PTPRD: variants seen among roughly 807,000 people sequenced by gnomAD.
PTPRD encodes the protein receptor-type tyrosine-protein phosphatase delta.
In PTPRD, 34 loss-of-function variants were observed where a neutral mutation model predicts 214.5. The observed-to-expected ratio is 0.16, with a 90% confidence interval of 0.12 to 0.21. The LOEUF (loss-of-function observed/expected upper bound fraction) is 0.21. PTPRD is among the 10% of genes least tolerant of loss of function. The pLI is 1.00. For missense variants in PTPRD, 2,545 were observed against 2,398.7 expected, an observed-to-expected ratio of 1.06 and a Z score of -1.27; for synonymous variants, 1,128 against 845.7, an observed-to-expected ratio of 1.33 and a Z score of -5.79.
chr9:9,085,530 G>C (rs484454), intron 10 of PTPRD, among the ~76,000 whole-genome samples: 100,270 of 151,964 alleles, frequency 0.66, 33,407 homozygotes, highest in Non-Finnish European at 0.7. Context: ...TTTCCAAACA[G>C]TTTAGAAACT....
At chr9:8,859,803 T>TG (rs1555444916) in intron 11 of PTPRD, among the ~76,000 whole-genome samples, 5 of 106,938 alleles carry the variant, frequency 4.7e-5, no homozygotes, top group Admixed American at 1.0e-4. Context: ...TTCCAGCAAT[T>TG]TGGGGGTGGG....
chr9:9,780,380 T>A (rs1203422461), intron 5 of PTPRD, among the ~76,000 whole-genome samples: 1 of 151,968 alleles, frequency 6.6e-6, no homozygotes, highest in East Asian at 1.9e-4. Context: ...AAATAAAAGT[T>A]GAAATTTTAA....
intron 7 of PTPRD, among the ~76,000 whole-genome samples, chr9:9,694,492 T>C (rs1595422789): frequency 6.6e-6 from 1 of 152,034 alleles, no homozygotes; most frequent in African/African-American, 2.4e-5. Context: ...CCACCAGGAC[T>C]GTGCTGGGTC....
chr9:10,085,675 C>T (rs1468739595), intron 3 of PTPRD, among the ~76,000 whole-genome samples: 3 of 151,768 alleles, frequency 2.0e-5, no homozygotes, highest in African/African-American at 7.3e-5. Context: ...CCATCACACA[C>T]ATTCATAGAC....
intron 11 of PTPRD, among the ~76,000 whole-genome samples, chr9:8,881,955 G>GT (rs2098449645): frequency 6.6e-6 from 1 of 152,152 alleles, no homozygotes; most frequent in Admixed American, 6.5e-5. Context: ...CAAGAACCAT[G>GT]TTTTTTCCTG....
chr9:10,286,731 T>G (rs12554811), intron 3 of PTPRD, among the ~76,000 whole-genome samples: 9,492 of 152,132 alleles, frequency 0.062, 675 homozygotes, highest in Admixed American at 0.17. Context: ...CCCAAGTAGC[T>G]GGTATTACAG....
intron 2 of PTPRD, among the ~76,000 whole-genome samples, chr9:10,481,615 G>A (rs1457319405): frequency 6.6e-6 from 1 of 152,138 alleles, no homozygotes; most frequent in African/African-American, 2.4e-5. Flanking sequence ...ATAAGTGAAT[G>A]AATGATTGAA....
intron 9 of PTPRD, among the ~76,000 whole-genome samples, chr9:9,349,543 C>G (rs1324879307): frequency 1.3e-5 from 2 of 151,632 alleles, no homozygotes; most frequent in African/African-American, 4.8e-5. Context: ...ACAAATTCAA[C>G]TGTCTGATGG....
intron 11 of PTPRD, among the ~76,000 whole-genome samples, chr9:8,850,682 A>C (rs1419717732): frequency 6.6e-6 from 1 of 152,198 alleles, no homozygotes; most frequent in African/African-American, 2.4e-5. Flanking sequence ...ATAAGACATA[A>C]ATCAATGTAT....
At chr9:8,742,977 C>T (rs549573785) in intron 11 of PTPRD, among the ~76,000 whole-genome samples, 1 of 152,098 alleles carries the variant, frequency 6.6e-6, no homozygotes, top group South Asian at 2.1e-4. Context: ...CTGCCAAATA[C>T]CCTATAACAC....
At chr9:8,630,052 T>C (rs1447338237) in intron 14 of PTPRD, among the ~76,000 whole-genome samples, 1 of 151,858 alleles carries the variant, frequency 6.6e-6, no homozygotes, top group Non-Finnish European at 1.5e-5. Context: ...CTCCAATTAA[T>C]TAGTTTCTCT....
intron 10 of PTPRD, among the ~76,000 whole-genome samples, chr9:9,138,299 A>G (rs2099854179): frequency 6.6e-6 from 1 of 152,120 alleles, no homozygotes; most frequent in African/African-American, 2.4e-5. Context: ...AGATGTGGTG[A>G]GAGTTAAGTA....
At position 10,488,105 on chromosome 9, in the gene PTPRD, C is replaced by T. The variant is rs533770108; in HGVS notation, c.-600+124293G>A. On this transcript the variant is annotated intron_variant, in intron 2 of 45. Transcript: ENST00000381196. ...CAGGTCGGCTGGGCATGGTGGCTCGCGCCTGTAATCCTAGCACTTTGGGAG... is the reference window on the plus strand; with the variant it reads ...CAGGTCGGCTGGGCATGGTGGCTCGTGCCTGTAATCCTAGCACTTTGGGAG... 3.6e-3 allele frequency among the ~76,000 whole-genome samples: 550 copies of T among 151,788 alleles called. 4 individuals are homozygous for T. The highest frequency in any genetic ancestry group is 0.012 in the African/African-American group (482 of 41,380).
intron 2 of PTPRD, among the ~76,000 whole-genome samples, chr9:10,362,653 T>C (rs1488244533): frequency 6.6e-6 from 1 of 151,892 alleles, no homozygotes; most frequent in East Asian, 1.9e-4. Flanking sequence ...AGGCCGAGGC[T>C]GGCAGATCAC....
At chr9:9,227,854 T>C (rs768980271) in intron 9 of PTPRD, among the ~76,000 whole-genome samples, 4 of 152,088 alleles carry the variant, frequency 2.6e-5, no homozygotes, top group Non-Finnish European at 4.4e-5. Flanking sequence ...AGCTGAAACT[T>C]GATTGCAGCC....
intron 18 of PTPRD, 88 bp from the exon 19 acceptor site, chr9:8,523,612 T>A: frequency 7.0e-7 from 1 of 1,424,450 alleles, no homozygotes; most frequent in Non-Finnish European, 9.8e-7. Flanking sequence ...AAAAAGGCCA[T>A]ATCAAGGCTT....
At chr9:9,867,515 A>G (rs930485903) in intron 5 of PTPRD, among the ~76,000 whole-genome samples, 3 of 152,168 alleles carry the variant, frequency 2.0e-5, no homozygotes, top group African/African-American at 7.2e-5. Context: ...AATATTAATA[A>G]AGGAAGAATC....
At chr9:9,899,173 A>T (rs1477572642) in intron 5 of PTPRD, among the ~76,000 whole-genome samples, 2 of 152,096 alleles carry the variant, frequency 1.3e-5, no homozygotes, top group East Asian at 3.9e-4. Flanking sequence ...TTAGGAACAA[A>T]TCTAACAAAA....
At chr9:9,765,021 C>T (rs529352024) in intron 6 of PTPRD, among the ~76,000 whole-genome samples, 1 of 152,136 alleles carries the variant, frequency 6.6e-6, no homozygotes, top group Non-Finnish European at 1.5e-5. Context: ...CATGCCAAAG[C>T]CTTGACACAA....
Sources: gnomAD v4.1 joint callset for allele counts (sites outside exome capture counted in the v4.1 genomes callset) on GRCh38, gnomAD v4.1.1 for gene constraint, MANE v1.5 for transcripts, NCBI Gene and HGNC (gene_info 2026-07-23, HGNC 2026-07-21) for gene names.